Variants in FTO observed in about 807,000 individuals in gnomAD.
The protein encoded by FTO is alpha-ketoglutarate-dependent dioxygenase FTO.
A neutral mutation model predicts 63.9 loss-of-function variants in FTO; 47 were observed. The observed-to-expected ratio is 0.74, with a 90% CI of 0.58 to 0.94. The LOEUF is 0.94. FTO is among the 40% of genes least tolerant of loss of function. The probability of loss-of-function intolerance (pLI) is 0.00; values close to 1 mark genes in which losing one functional copy is unlikely to be tolerated. For synonymous variants in FTO, 207 were observed against 224.4 expected (o/e 0.92, Z 0.69); for missense variants, 562 against 618.1 (o/e 0.91, Z 0.96).
chr16:53,995,600 T>C (rs1164383111), intron 8 of FTO, among the ~76,000 whole-genome samples: 1 of 152,232 alleles, frequency 6.6e-6, no homozygotes, highest in East Asian at 1.9e-4. Context: ...ATCTGTGGCG[T>C]GAACTTTACT....
chr16:53,977,753 C>G (rs543627136), intron 8 of FTO, among the ~76,000 whole-genome samples: 1 of 152,264 alleles, frequency 6.6e-6, no homozygotes, highest in South Asian at 2.1e-4. Context: ...GGAATTGTCT[C>G]TTTTCATTTG....
rs538928831 is a variant in FTO, at chr16:53,755,541, G to C, written c.45+51312G>C. Among the ~76,000 whole-genome samples the C allele has an allele frequency of 4.6e-5, 7 of 152,302 alleles. No homozygotes were observed. The South Asian group carries it at 1.5e-3, about 32-fold the overall frequency. ...AAGTTTCTTATTTTGAAGACCATTTGTTTGAATGAAATCATCAATCATTTC... is the reference window on the plus strand; with the variant it reads ...AAGTTTCTTATTTTGAAGACCATTTCTTTGAATGAAATCATCAATCATTTC... On this transcript the variant is annotated intron_variant, in intron 1 of 8. Transcript: ENST00000471389.
chr16:53,715,635 T>A (rs1200944195), intron 1 of FTO, among the ~76,000 whole-genome samples: 2 of 152,194 alleles, frequency 1.3e-5, no homozygotes, highest in African/African-American at 4.8e-5. Context: ...CTCTTATGTC[T>A]TGTGAGAAAT....
intron 1 of FTO, among the ~76,000 whole-genome samples, chr16:53,722,824 C>T (rs1394769142): frequency 1.1e-4 from 7 of 63,596 alleles, no homozygotes; most frequent in Non-Finnish European, 2.2e-4. Flanking sequence ...TGAGACGCCA[C>T]CTCAAAAAAA....
intron 7 of FTO, among the ~76,000 whole-genome samples, chr16:53,918,059 A>C (rs1396677718): frequency 6.6e-6 from 1 of 152,198 alleles, no homozygotes; most frequent in Admixed American, 6.6e-5. Context: ...TAGAAAAATA[A>C]GTTTATTAAG....
At chr16:53,720,419 C>G (rs2076009196) in intron 1 of FTO, among the ~76,000 whole-genome samples, 1 of 151,700 alleles carries the variant, frequency 6.6e-6, no homozygotes, top group Admixed American at 6.6e-5. Flanking sequence ...ACTTCTCCCC[C>G]TCCCCACCAT....
chr16:53,874,756 C>T (rs2080599370), intron 5 of FTO, among the ~76,000 whole-genome samples: 1 of 152,152 alleles, frequency 6.6e-6, no homozygotes, highest in Non-Finnish European at 1.5e-5. Flanking sequence ...TGCTGTGTGG[C>T]AGAGAGAGAA....
At chr16:53,900,251 A>C (rs1358855814) in intron 7 of FTO, among the ~76,000 whole-genome samples, 1 of 152,118 alleles carries the variant, frequency 6.6e-6, no homozygotes, top group Non-Finnish European at 1.5e-5. Context: ...TAGTTGAGTT[A>C]ATTAAGCAGT....
intron 8 of FTO, among the ~76,000 whole-genome samples, chr16:53,975,207 G>GTT (rs201129496): frequency 9.0e-5 from 13 of 144,238 alleles, no homozygotes; most frequent in African/African-American, 7.6e-5. Flanking sequence ...AATATTGTAA[G>GTT]TTTTTTTTTT....
intron 8 of FTO, among the ~76,000 whole-genome samples, chr16:54,081,599 A>G (rs1245158154): frequency 6.6e-6 from 1 of 152,178 alleles, no homozygotes. Flanking sequence ...TGAAGCCAAA[A>G]TAACAAGCAC....
At chr16:53,899,452 G>A (rs1267446859) in intron 7 of FTO, among the ~76,000 whole-genome samples, 1 of 152,168 alleles carries the variant, frequency 6.6e-6, no homozygotes, top group Non-Finnish European at 1.5e-5. Context: ...TATAGAGAAA[G>A]CAGCATGGAC....
At chr16:53,840,411 C>T (rs2079441768) in intron 3 of FTO, among the ~76,000 whole-genome samples, 1 of 152,166 alleles carries the variant, frequency 6.6e-6, no homozygotes, top group Non-Finnish European at 1.5e-5. Flanking sequence ...AGTCACATTA[C>T]ATCATAATTA....
rs1421133978 is a variant in FTO at position 53,911,473 on chromosome 16, T to G, written c.1240-22512T>G. 3 of 703,050 alleles carry G rather than the reference T, an allele frequency of 4.3e-6. No individual in the cohort carries two copies. In the South Asian group the frequency reaches 4.4e-5, roughly 10 times the overall value. The allele number at this position is 703,050 out of a possible 1,614,324, so 43.6% of individuals were successfully genotyped here. ...CCGTTGCATTCATCATGGGAAGAAT[T>G]TCAGTAGAATGGTAAGGACAGGAGG... On this transcript the variant is annotated intron_variant, in intron 7 of 8. Coordinates refer to ENST00000471389, the MANE Select transcript of FTO (RefSeq NM_001080432.3).
intron 8 of FTO, among the ~76,000 whole-genome samples, chr16:54,110,182 A>G (rs750518176): frequency 6.6e-6 from 1 of 152,222 alleles, no homozygotes; most frequent in Non-Finnish European, 1.5e-5. Context: ...ATGATTAAGT[A>G]GTCTACAGAA....
At chr16:53,901,928 G>A (rs1160491994) in intron 7 of FTO, among the ~76,000 whole-genome samples, 2 of 152,084 alleles carry the variant, frequency 1.3e-5, no homozygotes, top group Admixed American at 1.3e-4. Context: ...GGTAAATTTA[G>A]AGGCCACTAT....
chr16:54,025,891 T>G (rs562768213), intron 8 of FTO, among the ~76,000 whole-genome samples: 1 of 152,116 alleles, frequency 6.6e-6, no homozygotes, highest in African/African-American at 2.4e-5. Context: ...CGGGTGCCTG[T>G]AATCCCACCT....
intron 5 of FTO, among the ~76,000 whole-genome samples, chr16:53,879,530 A>G (rs2080761873): frequency 6.6e-6 from 1 of 152,030 alleles, no homozygotes. Context: ...ATAAAAATTT[A>G]GAAAAATTAG....
At chr16:53,735,987 A>G (rs2076382943) in intron 1 of FTO, among the ~76,000 whole-genome samples, 1 of 152,108 alleles carries the variant, frequency 6.6e-6, no homozygotes, top group Admixed American at 6.5e-5. Context: ...ATAATATATC[A>G]CTGTGTAGAT....
chr16:53,711,226 T>C, intron 1 of FTO: 2 of 372,988 alleles, frequency 5.4e-6, no homozygotes, highest in Non-Finnish European at 9.4e-6. Context: ...GTTGAGTGTC[T>C]AGTCAAGTGG....
Sources: gnomAD v4.1 joint callset for allele counts (sites outside exome capture counted in the v4.1 genomes callset) on GRCh38, gnomAD v4.1.1 for gene constraint, MANE v1.5 for transcripts, NCBI Gene and HGNC (gene_info 2026-07-23, HGNC 2026-07-21) for gene names.